Variants in BLTP3B observed in about 807,000 individuals in gnomAD.
The protein encoded by BLTP3B is bridge-like lipid transfer protein family member 3B, also known as UHRF1 (ICBP90) binding protein 1-like.
the BLTP3B span, among the ~76,000 whole-genome samples, chr12:100,038,603 TG>T: frequency 6.6e-6 from 1 of 152,220 alleles, no homozygotes; most frequent in Non-Finnish European, 1.5e-5. Context: ...CCCAAAGTGC[TG>T]GGATTACAGG....
chr12:100,054,166 A>G, the BLTP3B span, among the ~76,000 whole-genome samples: 6 of 152,190 alleles, frequency 3.9e-5, no homozygotes, highest in African/African-American at 1.4e-4. Context: ...AACATCAGGG[A>G]AATCTTTAAA....
chr12:100,084,113 C>T, the BLTP3B span, among the ~76,000 whole-genome samples: 112 of 151,048 alleles, frequency 7.4e-4, no homozygotes, highest in East Asian at 0.018. Context: ...CGCTTGAACC[C>T]GGGAAGCAGA....
chr12:100,096,889 G>A, the BLTP3B span, among the ~76,000 whole-genome samples: 1 of 152,100 alleles, frequency 6.6e-6, no homozygotes, highest in Non-Finnish European at 1.5e-5. Context: ...AGACCAGTCT[G>A]AGCAATATAA....
the BLTP3B span, among the ~76,000 whole-genome samples, chr12:100,115,241 C>T: frequency 6.6e-6 from 1 of 152,012 alleles, no homozygotes; most frequent in Non-Finnish European, 1.5e-5. Flanking sequence ...CCCGTCTCCA[C>T]TAAAAATACC....
At chr12:100,099,647 T>C in the BLTP3B span, among the ~76,000 whole-genome samples, 2 of 151,476 alleles carry the variant, frequency 1.3e-5, no homozygotes, top group East Asian at 3.9e-4. Flanking sequence ...CTCACAAGGC[T>C]GCAGTGGGAG....
chr12:100,128,653 A>G, the BLTP3B span: 2 of 1,286,382 alleles, frequency 1.6e-6, no homozygotes, highest in African/African-American at 3.0e-5. Context: ...GGTTTCTTAG[A>G]CTCCTCTGGT....
At chr12:100,050,281 C>T in the BLTP3B span, 1 of 1,609,600 alleles carries the variant, frequency 6.2e-7, no homozygotes, top group Non-Finnish European at 8.5e-7. Flanking sequence ...GTCAATTTCC[C>T]CATTAACACC....
At chr12:100,050,649 CAA>C in the BLTP3B span, among the ~76,000 whole-genome samples, 48 of 151,926 alleles carry the variant, frequency 3.2e-4, no homozygotes, top group African/African-American at 1.1e-3. Flanking sequence ...CCCATATCTA[CAA>C]AAAAATTTAA....
At chr12:100,119,850 A>G in the BLTP3B span, among the ~76,000 whole-genome samples, 1,088 of 152,332 alleles carry the variant, frequency 7.1e-3, 5 homozygotes, top group Middle Eastern at 0.014. Flanking sequence ...ACTCCTGAAG[A>G]AAATATTAGT....
At chr12:100,102,824 A>T in the BLTP3B span, 2 of 1,607,416 alleles carry the variant, frequency 1.2e-6, no homozygotes, top group African/African-American at 2.7e-5. Context: ...GGTTCTTCAC[A>T]TGTACTCATT....
chr12:100,089,775 A>T, the BLTP3B span, among the ~76,000 whole-genome samples: 1 of 152,142 alleles, frequency 6.6e-6, no homozygotes, highest in Non-Finnish European at 1.5e-5. Context: ...ATACACTGTT[A>T]TATATCTGAT....
chr12:100,108,286 A>C, the BLTP3B span: 1 of 1,259,332 alleles, frequency 7.9e-7, no homozygotes. Flanking sequence ...TTTTTACACA[A>C]TTATCTAAAA....
chr12:100,121,135 G>T, the BLTP3B span, among the ~76,000 whole-genome samples: 1 of 152,028 alleles, frequency 6.6e-6, no homozygotes, highest in African/African-American at 2.4e-5. Context: ...ATCACCTGAG[G>T]TCAGGAGTTT....
chr12:100,141,397 A>C, the BLTP3B span, among the ~76,000 whole-genome samples: 1 of 147,666 alleles, frequency 6.8e-6, no homozygotes, highest in Non-Finnish European at 1.5e-5. Flanking sequence ...ATGTATGTGT[A>C]TATATGTGTA....
At chr12:100,123,726 G>A in the BLTP3B span, among the ~76,000 whole-genome samples, 13 of 151,174 alleles carry the variant, frequency 8.6e-5, no homozygotes, top group African/African-American at 3.2e-4. Flanking sequence ...AAGAATCAAA[G>A]TATGCTCCCA....
chr12:100,098,048 C>G, the BLTP3B span, among the ~76,000 whole-genome samples: 1 of 152,080 alleles, frequency 6.6e-6, no homozygotes, highest in Non-Finnish European at 1.5e-5. Flanking sequence ...AAAACCCTGT[C>G]TCTACCAAAA....
the BLTP3B span, among the ~76,000 whole-genome samples, chr12:100,124,934 T>TTTTATATATATA: frequency 2.7e-5 from 1 of 37,000 alleles, no homozygotes; most frequent in Non-Finnish European, 5.3e-5. Context: ...AAAAAAAAAA[T>TTTTATATATATA]TTTATATATA....
chr12:100,069,185 C>T, the BLTP3B span, among the ~76,000 whole-genome samples: 1 of 152,128 alleles, frequency 6.6e-6, no homozygotes, highest in Admixed American at 6.6e-5. Flanking sequence ...GCACTCCAGC[C>T]TGGGCAACAG....
At chr12:100,084,194 A>G in the BLTP3B span, among the ~76,000 whole-genome samples, 1 of 148,926 alleles carries the variant, frequency 6.7e-6, no homozygotes, top group African/African-American at 2.5e-5. Flanking sequence ...GTCTCAAAGA[A>G]AAAAAAAAAA....
Sources: allele counts gnomAD v4.1 joint callset (sites outside exome capture counted in the v4.1 genomes callset), GRCh38; gene constraint gnomAD v4.1.1; transcripts MANE v1.5; gene names NCBI Gene and HGNC (gene_info 2026-07-23, HGNC 2026-07-21).